The following MCC variants were observed in gnomAD, a reference collection of about 807,000 sequenced individuals.
MCC encodes MCC regulator of Wnt signaling pathway.
A neutral mutation model predicts 116.2 loss-of-function variants in MCC; 90 were observed. The observed-to-expected ratio is 0.77, with a 90% CI of 0.65 to 0.92. The LOEUF is 0.92. Ranked by LOEUF, MCC falls within the 40% of genes least tolerant of loss-of-function variation. MCC has a pLI of 0.00. For missense variants in MCC, 1,516 were observed against 1,312.2 expected (o/e 1.16, Z -2.40); for synonymous variants, 578 against 510.5 (o/e 1.13, Z -1.78).
At chr5:113,098,369 T>A (rs1036935104) in intron 8 of MCC, among the ~76,000 whole-genome samples, 1 of 152,204 alleles carries the variant, frequency 6.6e-6, no homozygotes, top group Non-Finnish European at 1.5e-5. Context: ...CCAACATCCT[T>A]GAAGCCAGGG....
chr5:113,106,461 A>G (rs1309789160), intron 6 of MCC, among the ~76,000 whole-genome samples: 2 of 152,048 alleles, frequency 1.3e-5, no homozygotes, highest in East Asian at 1.9e-4. Flanking sequence ...GGAATATGCC[A>G]AACTCCTGTC....
In MCC at chr5:113,093,359, C is replaced by T. The variant is rs552611488; in HGVS notation, c.1399-8049G>A. The stretch of plus-strand genomic sequence containing the variant: ...CTTGCTATGCAGGAGGATCGCTTAG[C>T]TTAGAATTCAAGGGTCGAGCGCACT... On this transcript the variant is annotated intron_variant, in intron 8 of 18. Transcript: ENST00000408903. Among the ~76,000 whole-genome samples the T allele has an allele frequency of 2.0e-4, 30 of 152,232 alleles. 1 individual carries two copies. Among genetic ancestry groups the T allele is most frequent in the African/African-American group, 6.7e-4 (28 of 41,526 alleles).
At chr5:113,191,355 C>G (rs933133246) in intron 3 of MCC, among the ~76,000 whole-genome samples, 1 of 152,196 alleles carries the variant, frequency 6.6e-6, no homozygotes, top group Non-Finnish European at 1.5e-5. Flanking sequence ...GAGGTCCCCT[C>G]ACTTTTTAAC....
In MCC at chr5:113,294,068, G is replaced by A. The variant is rs565060429; in HGVS notation, c.627+46451C>T. On this transcript the variant is annotated intron_variant, in intron 3 of 18. Coordinates refer to ENST00000408903, the MANE Select transcript of MCC (RefSeq NM_001085377.2). The stretch of plus-strand genomic sequence containing the variant: ...GGATGCAGACTGTCGTGAGTAAAAC[G>A]CCTCGCGGCTTGGTGAGAGGTTGTT... Among the ~76,000 whole-genome samples the A allele has an allele frequency of 5.3e-5, 8 of 152,310 alleles. 1 individual carries two copies. The South Asian group carries it at 6.2e-4, about 12-fold the overall frequency.
intron 15 of MCC, among the ~76,000 whole-genome samples, chr5:113,052,973 T>C (rs968446009): frequency 1.3e-5 from 2 of 152,172 alleles, no homozygotes; most frequent in African/African-American, 4.8e-5. Context: ...CAAGGACAAA[T>C]ATCAGATATG....
chr5:113,417,510 A>T (rs1770186466), intron 1 of MCC, among the ~76,000 whole-genome samples: 1 of 150,818 alleles, frequency 6.6e-6, no homozygotes, highest in African/African-American at 2.5e-5. Flanking sequence ...CTGAGGCACC[A>T]AATAGTTTCC....
At chr5:113,206,882 G>A (rs1762937117) in intron 3 of MCC, among the ~76,000 whole-genome samples, 1 of 152,178 alleles carries the variant, frequency 6.6e-6, no homozygotes, top group Non-Finnish European at 1.5e-5. Context: ...CAATAGCTCT[G>A]TGATGTAAGC....
intron 5 of MCC, among the ~76,000 whole-genome samples, chr5:113,125,655 C>G (rs1349192552): frequency 6.6e-6 from 1 of 152,126 alleles, no homozygotes; most frequent in Non-Finnish European, 1.5e-5. Context: ...CAGACTGCAT[C>G]AGGAGTATTG....
chr5:113,249,611 A>AC (rs1390177504), intron 3 of MCC, among the ~76,000 whole-genome samples: 2 of 151,950 alleles, frequency 1.3e-5, no homozygotes, highest in East Asian at 1.9e-4. Context: ...CTCTTGGCTC[A>AC]CCCCCCAAAA....
chr5:113,106,508 T>A (rs1756741061), intron 6 of MCC, among the ~76,000 whole-genome samples: 2 of 152,220 alleles, frequency 1.3e-5, no homozygotes, highest in South Asian at 2.1e-4. Context: ...GTTTCCTTTG[T>A]CTAGGCTGAT....
intron 6 of MCC, among the ~76,000 whole-genome samples, chr5:113,115,380 G>C (rs1757339895): frequency 6.6e-6 from 1 of 152,214 alleles, no homozygotes. Flanking sequence ...AGCAATCGAG[G>C]CTGCATTTTC....
intron 2 of MCC, among the ~76,000 whole-genome samples, chr5:113,363,036 T>C (rs1768586465): frequency 2.6e-5 from 4 of 152,096 alleles, no homozygotes; most frequent in African/African-American, 9.6e-5. Context: ...TCCCAGCACT[T>C]TGGGAGACAG....
intron 8 of MCC, among the ~76,000 whole-genome samples, chr5:113,092,912 G>A (rs746410235): frequency 1.3e-5 from 2 of 152,162 alleles, no homozygotes; most frequent in African/African-American, 4.8e-5. Flanking sequence ...ACTATGCCCC[G>A]GAGCATTGTT....
At chr5:113,266,153 T>A (rs1765408567) in intron 3 of MCC, among the ~76,000 whole-genome samples, 1 of 152,064 alleles carries the variant, frequency 6.6e-6, no homozygotes, top group South Asian at 2.1e-4. Flanking sequence ...CCCTAAAAAA[T>A]AACTATATTA....
At chr5:113,316,738 G>A (rs1767295993) in intron 3 of MCC, among the ~76,000 whole-genome samples, 1 of 152,148 alleles carries the variant, frequency 6.6e-6, no homozygotes, top group African/African-American at 2.4e-5. Flanking sequence ...TTGTATCAAA[G>A]AGGGTAAACC....
intron 8 of MCC, among the ~76,000 whole-genome samples, chr5:113,095,578 G>A (rs1755953678): frequency 1.3e-5 from 2 of 152,012 alleles, no homozygotes; most frequent in Admixed American, 6.6e-5. Flanking sequence ...GGAGTACAAT[G>A]GTGTGATCAC....
chr5:113,140,076 T>C (rs1759089999), intron 5 of MCC, among the ~76,000 whole-genome samples: 1 of 152,150 alleles, frequency 6.6e-6, no homozygotes, highest in Non-Finnish European at 1.5e-5. Context: ...CTTCCCCGAG[T>C]TTTATTAAAT....
At chr5:113,085,613 C>A (rs1200367054) in intron 8 of MCC, among the ~76,000 whole-genome samples, 2 of 152,112 alleles carry the variant, frequency 1.3e-5, no homozygotes, top group African/African-American at 2.4e-5. Flanking sequence ...CTGCCACAGA[C>A]CATCACCTAT....
intron 3 of MCC, among the ~76,000 whole-genome samples, chr5:113,161,647 T>C: frequency 7.0e-6 from 1 of 143,768 alleles, no homozygotes; most frequent in East Asian, 2.0e-4. Context: ...TGTGTGTGTG[T>C]GTGTGTGTGT....
Sources: allele counts gnomAD v4.1 joint callset (sites outside exome capture counted in the v4.1 genomes callset), GRCh38; gene constraint gnomAD v4.1.1; transcripts MANE v1.5; gene names NCBI Gene and HGNC (gene_info 2026-07-23, HGNC 2026-07-21).